Variants in MICU3 observed in about 807,000 individuals in gnomAD.
The protein encoded by MICU3 is calcium uptake protein 3, mitochondrial.
In MICU3, 62 loss-of-function variants were observed where a neutral mutation model predicts 66.5. The ratio of observed to expected loss-of-function variants is 0.93; its 90% CI spans 0.76 to 1.15. The LOEUF (loss-of-function observed/expected upper bound fraction) is 1.15. Ranked by LOEUF, MICU3 falls within the 50% of genes most tolerant of loss-of-function variation. The probability of loss-of-function intolerance (pLI) is 0.00; values close to 1 mark genes in which losing one functional copy is unlikely to be tolerated. For missense variants in MICU3, 779 were observed against 664.4 expected, an observed-to-expected ratio of 1.17 and a Z score of -1.90; for synonymous variants, 308 against 240.7, an observed-to-expected ratio of 1.28 and a Z score of -2.59.
chr8:17,047,406 G>A (rs555091882), intron 1 of MICU3, among the ~76,000 whole-genome samples: 1 of 152,148 alleles, frequency 6.6e-6, no homozygotes, highest in Non-Finnish European at 1.5e-5. Context: ...TCTATTAGGG[G>A]TTACAGATGA....
At chr8:17,049,380 G>A (rs897680168) in intron 1 of MICU3, among the ~76,000 whole-genome samples, 1 of 152,114 alleles carries the variant, frequency 6.6e-6, no homozygotes, top group Non-Finnish European at 1.5e-5. Flanking sequence ...GAGTTGAGTA[G>A]CCAAACACTA....
At chr8:17,108,076 A>G (rs1801891435) in intron 11 of MICU3, among the ~76,000 whole-genome samples, 1 of 152,118 alleles carries the variant, frequency 6.6e-6, no homozygotes, top group Non-Finnish European at 1.5e-5. Context: ...TGGATATTTC[A>G]TTATAAGAGA....
At chr8:17,127,272 T>C (rs921094450), downstream of MICU3, among the ~76,000 whole-genome samples, 9 of 152,224 alleles carry the variant, frequency 5.9e-5, no homozygotes, top group African/African-American at 2.2e-4. Context: ...GAGTATCTTA[T>C]GTACCATTTG....
intron 9 of MICU3, among the ~76,000 whole-genome samples, chr8:17,099,793 G>C (rs1801098996): frequency 6.6e-6 from 1 of 151,638 alleles, no homozygotes. Flanking sequence ...CTGTGTCCTA[G>C]TTTCCATGCT....
At chr8:17,044,974 C>T (rs928945129) in intron 1 of MICU3, among the ~76,000 whole-genome samples, 1 of 151,962 alleles carries the variant, frequency 6.6e-6, no homozygotes, top group African/African-American at 2.4e-5. Context: ...GTCAAGTGGC[C>T]CTGTCTAACT....
the MICU3 span, chr8:17,132,498 C>G: frequency 1.8e-4 from 27 of 152,308 alleles, no homozygotes; most frequent in Middle Eastern, 3.4e-3. Context: ...CCCAAACTGT[C>G]TCCTGGGTTA....
At chr8:17,132,289 G>A in the MICU3 span, 25 of 152,180 alleles carry the variant, frequency 1.6e-4, no homozygotes, top group Non-Finnish European at 2.5e-4. Context: ...TTCTGCAGTT[G>A]GTCACAAGGC....
rs145621652 is a variant in MICU3, at chr8:17,041,203, T to G, written c.381+13543T>G. ...TCTAAGGAGAGAACTCTGGTGAGCA[T>G]CCATTACTTAAAGGACCGGCAGAGA... On this transcript the variant is annotated intron_variant, in intron 1 of 14. Transcript: ENST00000318063. Among the ~76,000 whole-genome samples the G allele has an allele frequency of 4.7e-4, 71 of 150,734 alleles. 3 individuals are homozygous for G. The highest frequency in any genetic ancestry group is 1.7e-3 in the African/African-American group (69 of 40,956).
At chr8:17,054,335 C>T (rs1445543293) in intron 1 of MICU3, among the ~76,000 whole-genome samples, 1 of 151,960 alleles carries the variant, frequency 6.6e-6, no homozygotes, top group East Asian at 1.9e-4. Flanking sequence ...ATGGATTTTA[C>T]TATATGAATG....
At chr8:17,082,397 A>G (rs1821318115) in intron 5 of MICU3, among the ~76,000 whole-genome samples, 1 of 152,054 alleles carries the variant, frequency 6.6e-6, no homozygotes. Context: ...AAATGTGAAA[A>G]TTTAGCAAAT....
chr8:17,041,566 G>A (rs1814102722), intron 1 of MICU3, among the ~76,000 whole-genome samples: 1 of 152,074 alleles, frequency 6.6e-6, no homozygotes, highest in Non-Finnish European at 1.5e-5. Flanking sequence ...GAAGAGAGAG[G>A]ATAGTAGCCT....
intron 1 of MICU3, among the ~76,000 whole-genome samples, chr8:17,063,646 AT>A (rs3214081): frequency 0.067 from 10,250 of 152,140 alleles, 539 homozygotes; most frequent in East Asian, 0.25. Context: ...GCCTATTGGG[AT>A]TTTACTTTAT....
intron 6 of MICU3, among the ~76,000 whole-genome samples, chr8:17,086,146 C>A (rs187469364): frequency 6.6e-6 from 1 of 152,022 alleles, no homozygotes; most frequent in African/African-American, 2.4e-5. Context: ...TATGGCCCTA[C>A]CTCCTGAACA....
At chr8:17,080,825 A>G (rs1401730391) in intron 4 of MICU3, among the ~76,000 whole-genome samples, 1 of 152,110 alleles carries the variant, frequency 6.6e-6, no homozygotes, top group Admixed American at 6.6e-5. Context: ...ATCAGATAAA[A>G]TGGAGTTTTA....
At chr8:17,042,628 A>C (rs1467429538) in intron 1 of MICU3, among the ~76,000 whole-genome samples, 1 of 152,218 alleles carries the variant, frequency 6.6e-6, no homozygotes, top group Non-Finnish European at 1.5e-5. Flanking sequence ...ACCATAGCAT[A>C]GTAGTGTTTT....
intron 10 of MICU3, among the ~76,000 whole-genome samples, 166 bp downstream of exon 10, chr8:17,104,657 G>A (rs575375547): frequency 1.3e-5 from 2 of 151,990 alleles, no homozygotes; most frequent in East Asian, 3.9e-4. Context: ...CATACCAGTG[G>A]TTATATTGAT....
chr8:17,089,579 A>G (rs539824721), intron 7 of MICU3, among the ~76,000 whole-genome samples: 3 of 152,082 alleles, frequency 2.0e-5, no homozygotes, highest in Non-Finnish European at 1.5e-5. Context: ...TATGAATTAC[A>G]TAAGAGAGAG....
intron 2 of MICU3, among the ~76,000 whole-genome samples, chr8:17,067,372 A>G (rs1818881713): frequency 6.6e-6 from 1 of 152,132 alleles, no homozygotes; most frequent in South Asian, 2.1e-4. Flanking sequence ...TACCTGGCAC[A>G]CAGTAAACAT....
At chr8:17,097,602 G>C (rs558671822) in intron 8 of MICU3, among the ~76,000 whole-genome samples, 1 of 151,616 alleles carries the variant, frequency 6.6e-6, no homozygotes, top group Non-Finnish European at 1.5e-5. Context: ...AGAAAGAAAA[G>C]TTCTGTTTTC....
Sources: allele counts gnomAD v4.1 joint callset (sites outside exome capture counted in the v4.1 genomes callset), GRCh38; gene constraint gnomAD v4.1.1; transcripts MANE v1.5; gene names NCBI Gene and HGNC (gene_info 2026-07-23, HGNC 2026-07-21).